Variants in JPT1 observed in about 807,000 individuals in gnomAD.
The protein encoded by JPT1 is androgen-regulated protein 2.
In JPT1, 5 loss-of-function variants were observed where a neutral mutation model predicts 17.0. The ratio of observed to expected loss-of-function variants is 0.29; its 90% CI spans 0.15 to 0.62. JPT1 has a LOEUF of 0.62. Among genes scored for constraint, JPT1 ranks in the 20% least tolerant of loss-of-function variants. The probability of loss-of-function intolerance (pLI) is 0.85; values close to 1 mark genes in which losing one functional copy is unlikely to be tolerated. For synonymous variants in JPT1, 71 were observed against 73.6 expected (o/e 0.96, Z 0.18); for missense variants, 158 against 188.1 (o/e 0.84, Z 0.94).
chr17:75,146,019 CAGTA>C (rs1416768052), intron 4 of JPT1: 5 of 152,028 alleles, frequency 3.3e-5, no homozygotes, highest in African/African-American at 1.2e-4. Flanking sequence ...GTTGAGGCCA[CAGTA>C]AGCTGTGATT....
chr17:75,139,742 C>T (rs944109437), intron 4 of JPT1, among the ~76,000 whole-genome samples: 11 of 152,140 alleles, frequency 7.2e-5, no homozygotes, highest in Non-Finnish European at 8.8e-5. Context: ...CACTTGAACC[C>T]GGGAGGCGGA....
At position 75,154,448 on chromosome 17, in the gene JPT1, C is replaced by A. The variant is rs1386340898; in HGVS notation, c.-51G>T. The A allele has an allele frequency of 1.3e-6, 2 of 1,514,916 alleles. No homozygotes were observed. Among genetic ancestry groups the A allele is most frequent in the East Asian group, 2.6e-5 (1 of 38,908 alleles). 93.8% of individuals were successfully genotyped at this position (1,514,916 alleles called of 1,614,324 possible). On this transcript the variant is annotated 5_prime_UTR_variant, in exon 1 of 5. Transcript: ENST00000409753. Reference sequence around the variant, plus strand: ...CGCCGGAGCAGAACGCTCAAAGGGTCGGACCCGAGGGGCGCTGGGAAACTC... The same window carrying A: ...CGCCGGAGCAGAACGCTCAAAGGGTAGGACCCGAGGGGCGCTGGGAAACTC...
At chr17:75,147,511 CAT>C in intron 3 of JPT1, 43 bp downstream of exon 3, 2 of 1,320,130 alleles carry the variant, frequency 1.5e-6, no homozygotes, top group Non-Finnish European at 2.2e-6. Context: ...ATTTCAGAAT[CAT>C]ATTGACCTGA....
intron 3 of JPT1, 133 bp from the exon 4 acceptor site, chr17:75,146,817 GGTCA>G (rs1481198634): frequency 1.5e-6 from 1 of 652,920 alleles, no homozygotes; most frequent in East Asian, 2.8e-5. Context: ...TCAAGCACAG[GGTCA>G]GTCTGCTACC....
rs1012894501 is a variant in JPT1, at chr17:75,154,271, G to A, written c.56+71C>T. Reference sequence around the variant, plus strand: ...GCTCGTTACCCGCAACGACCGGCGCGAGGCCCCGCCGGCAGCGGCCCTCCC... The same window carrying A: ...GCTCGTTACCCGCAACGACCGGCGCAAGGCCCCGCCGGCAGCGGCCCTCCC... On this transcript the variant is annotated intron_variant, in intron 1 of 4. Transcript: ENST00000409753. 9.9e-5 allele frequency: 126 copies of A among 1,277,336 alleles called. No individual in the cohort carries two copies. In the African/African-American group the frequency reaches 1.7e-3, roughly 18 times the overall value. 79.1% of individuals were successfully genotyped at this position (1,277,336 alleles called of 1,614,324 possible).
chr17:75,142,155 T>G (rs1470990534), intron 4 of JPT1, among the ~76,000 whole-genome samples: 1 of 152,102 alleles, frequency 6.6e-6, no homozygotes, highest in African/African-American at 2.4e-5. Context: ...TTGACATACT[T>G]CTCCAAGTTC....
At chr17:75,143,848 AAG>A (rs1235990183) in intron 4 of JPT1, among the ~76,000 whole-genome samples, 2 of 152,072 alleles carry the variant, frequency 1.3e-5, no homozygotes, top group Non-Finnish European at 2.9e-5. Flanking sequence ...AGAAAAAAAA[AAG>A]AGCGAATCTC....
At chr17:75,147,679 A>G (rs1004766502) in intron 2 of JPT1, 26 bp from the exon 3 acceptor site, 3 of 1,569,982 alleles carry the variant, frequency 1.9e-6, no homozygotes, top group Admixed American at 1.7e-5. Flanking sequence ...TACTTTCTTC[A>G]GAAATACAAT....
intron 4 of JPT1, among the ~76,000 whole-genome samples, chr17:75,143,182 C>T (rs2074360667): frequency 6.6e-6 from 1 of 152,184 alleles, no homozygotes; most frequent in Non-Finnish European, 1.5e-5. Flanking sequence ...CTTGTTCAGT[C>T]CATTGGTATG....
chr17:75,145,661 GCTCT>G (rs943091766), intron 4 of JPT1: 3 of 152,124 alleles, frequency 2.0e-5, no homozygotes, highest in African/African-American at 7.2e-5. Flanking sequence ...ATATTAAAAA[GCTCT>G]CTCTGGCTGG....
intron 1 of JPT1, among the ~76,000 whole-genome samples, chr17:75,150,922 C>T (rs1486592121): frequency 7.0e-6 from 1 of 142,208 alleles, no homozygotes; most frequent in African/African-American, 2.6e-5. Context: ...GGTGCGATCT[C>T]GGCTCACTGC....
intron 4 of JPT1, among the ~76,000 whole-genome samples, chr17:75,139,823 TA>T (rs1568029233): frequency 2.0e-5 from 3 of 151,668 alleles, no homozygotes; most frequent in Non-Finnish European, 4.4e-5. Flanking sequence ...GTCTCAAAAA[TA>T]AATAAATGTC....
intron 2 of JPT1, chr17:75,148,057 A>G (rs2074475532): frequency 4.4e-6 from 1 of 224,772 alleles, no homozygotes; most frequent in Non-Finnish European, 8.9e-6. Flanking sequence ...TTAGTCTCAC[A>G]TTATGAAATG....
At chr17:75,146,597 T>G in intron 4 of JPT1, 69 bp downstream of exon 4, 1 of 1,214,404 alleles carries the variant, frequency 8.2e-7, no homozygotes, top group Middle Eastern at 1.9e-4. Flanking sequence ...AGACATGATT[T>G]AAATCAAGAT....
At chr17:75,146,749 T>C in intron 3 of JPT1, 65 bp from the exon 4 acceptor site, 2 of 986,236 alleles carry the variant, frequency 2.0e-6, no homozygotes, top group East Asian at 2.6e-5. Context: ...AAAACAGTCA[T>C]AGTTCATAGC....
chr17:75,142,033 C>T (rs1229700689), intron 4 of JPT1, among the ~76,000 whole-genome samples: 1 of 152,092 alleles, frequency 6.6e-6, no homozygotes, highest in Non-Finnish European at 1.5e-5. Flanking sequence ...CATACCACTG[C>T]ACTCCAGCCT....
At chr17:75,145,391 C>T (rs1467017227) in intron 4 of JPT1, 1 of 152,170 alleles carries the variant, frequency 6.6e-6, no homozygotes. Context: ...AAACCTTGCA[C>T]TCATCGGCAA....
intron 1 of JPT1, among the ~76,000 whole-genome samples, chr17:75,151,974 A>T (rs574756390): frequency 1.4e-4 from 22 of 152,234 alleles, no homozygotes; most frequent in Middle Eastern, 3.4e-3. Context: ...CGTCTCAAAA[A>T]AAAAAAAAAA....
At chr17:75,149,439 C>T (rs2074502805) in intron 1 of JPT1, among the ~76,000 whole-genome samples, 1 of 152,164 alleles carries the variant, frequency 6.6e-6, no homozygotes, top group Non-Finnish European at 1.5e-5. Context: ...GCGATCTCAG[C>T]TCACTGCAAG....
Sources: gnomAD v4.1 joint callset for allele counts (sites outside exome capture counted in the v4.1 genomes callset) on GRCh38, gnomAD v4.1.1 for gene constraint, MANE v1.5 for transcripts, NCBI Gene and HGNC (gene_info 2026-07-23, HGNC 2026-07-21) for gene names.